CPNE4: variants seen among roughly 807,000 people sequenced by gnomAD.
CPNE4 encodes copine-4.
In CPNE4, 25 loss-of-function variants were observed where a neutral mutation model predicts 67.9. The observed-to-expected ratio is 0.37, with a 90% CI of 0.27 to 0.51. The LOEUF (loss-of-function observed/expected upper bound fraction) is 0.51, where lower values mean the gene tolerates loss of function less well. CPNE4 is among the 20% of genes least tolerant of loss of function. The pLI, the probability that CPNE4 is intolerant of heterozygous loss-of-function variation, is 0.93. For synonymous variants in CPNE4, 242 were observed against 244.9 expected (o/e 0.99, Z 0.11); for missense variants, 464 against 690.8 (o/e 0.67, Z 3.68).
At chr3:132,003,468 C>A (rs953365628) in intron 1 of CPNE4, among the ~76,000 whole-genome samples, 1 of 152,008 alleles carries the variant, frequency 6.6e-6, no homozygotes. Flanking sequence ...GTCTAGTAGA[C>A]CTCTGATGTC....
In CPNE4 at chr3:131,901,116, T is replaced by C. The variant is rs139203432; in HGVS notation, c.180+4148A>G. 1.9e-3 allele frequency among the ~76,000 whole-genome samples: 293 copies of C among 152,218 alleles called. 1 individual carries two copies. The highest frequency in any genetic ancestry group is 6.7e-3 in the African/African-American group (277 of 41,546). ...TCACGAGCTTGATTCTACCCAGGCATGCCCAGGAATAGAGCATATGCTCCA... is the reference window on the plus strand; with the variant it reads ...TCACGAGCTTGATTCTACCCAGGCACGCCCAGGAATAGAGCATATGCTCCA... On this transcript the variant is annotated intron_variant, in intron 2 of 15. Transcript: ENST00000429747.
chr3:131,903,969 C>A (rs1422684682), intron 2 of CPNE4, among the ~76,000 whole-genome samples: 1 of 152,086 alleles, frequency 6.6e-6, no homozygotes, highest in African/African-American at 2.4e-5. Context: ...TAGAGTCTAG[C>A]AGGCACAAAA....
At chr3:131,894,111 T>C (rs1487417574) in intron 2 of CPNE4, among the ~76,000 whole-genome samples, 3 of 151,840 alleles carry the variant, frequency 2.0e-5, no homozygotes, top group African/African-American at 4.8e-5. Context: ...TTTGATAACA[T>C]AGAAGAAATA....
intron 7 of CPNE4, among the ~76,000 whole-genome samples, chr3:131,619,246 A>G: frequency 6.6e-6 from 1 of 152,186 alleles, no homozygotes; most frequent in East Asian, 1.9e-4. Flanking sequence ...TTTCTTGTGA[A>G]TGAGAGGAAG....
intron 2 of CPNE4, among the ~76,000 whole-genome samples, chr3:131,789,035 C>CACAG (rs1553771459): frequency 0.026 from 3,593 of 137,242 alleles, 195 homozygotes; most frequent in East Asian, 0.17. Flanking sequence ...CACACACACA[C>CACAG]AGAGAGAGAG....
At chr3:132,023,530 C>G (rs973934977) in intron 1 of CPNE4, among the ~76,000 whole-genome samples, 1 of 127,122 alleles carries the variant, frequency 7.9e-6, no homozygotes, top group African/African-American at 3.1e-5. Context: ...CTCTGTCGCC[C>G]AGGCTGGAGT....
At chr3:132,013,196 C>G (rs751723279) in intron 1 of CPNE4, among the ~76,000 whole-genome samples, 2 of 152,120 alleles carry the variant, frequency 1.3e-5, no homozygotes, top group Non-Finnish European at 2.9e-5. Flanking sequence ...GCACTCCAGC[C>G]TGGGTGACAG....
At chr3:131,779,385 A>G (rs2107850125) in intron 2 of CPNE4, among the ~76,000 whole-genome samples, 1 of 152,270 alleles carries the variant, frequency 6.6e-6, no homozygotes, top group Middle Eastern at 3.4e-3. Flanking sequence ...ATCAATCCTA[A>G]GCAAAAAGAA....
At position 131,929,258 on chromosome 3, in the gene CPNE4, T is replaced by A. The variant is rs556557173; in HGVS notation, c.-1-23814A>T. Among the ~76,000 whole-genome samples the A allele has an allele frequency of 1.3e-3, 187 of 149,088 alleles. 2 individuals are homozygous for A. The highest frequency in any genetic ancestry group is 2.3e-3 in the Non-Finnish European group (152 of 67,266). On this transcript the variant is annotated intron_variant, in intron 1 of 15. Coordinates refer to ENST00000429747, the MANE Select transcript of CPNE4 (RefSeq NM_130808.3). ...GTGTTAGAAAACACCAATCATTTGG[T>A]GGCAGCACTTACTTGCTGCTCATTC... is the stretch of plus-strand genomic sequence containing the variant.
chr3:131,757,343 G>A (rs1038905013), intron 2 of CPNE4, among the ~76,000 whole-genome samples: 3 of 152,198 alleles, frequency 2.0e-5, no homozygotes, highest in African/African-American at 7.2e-5. Context: ...GAACTTGTTG[G>A]GAACTGGAAC....
intron 1 of CPNE4, among the ~76,000 whole-genome samples, chr3:131,945,178 C>T (rs2071515185): frequency 7.2e-6 from 1 of 138,132 alleles, no homozygotes; most frequent in African/African-American, 2.8e-5. Context: ...AATATTAAGT[C>T]CACATACTAT....
intron 2 of CPNE4, among the ~76,000 whole-genome samples, chr3:131,734,711 C>T (rs1319853754): frequency 2.6e-5 from 4 of 152,078 alleles, no homozygotes; most frequent in Non-Finnish European, 2.9e-5. Context: ...ATAGCGAGAC[C>T]TTGTCTCTAC....
chr3:132,008,594 C>T (rs12695568), intron 1 of CPNE4, among the ~76,000 whole-genome samples: 29,003 of 151,984 alleles, frequency 0.19, 2,817 homozygotes, highest in Non-Finnish European at 0.2. Flanking sequence ...TATATGTGCA[C>T]ATTTGTGCAC....
chr3:131,886,995 A>G (rs2107732758), intron 2 of CPNE4, among the ~76,000 whole-genome samples: 1 of 152,294 alleles, frequency 6.6e-6, no homozygotes, highest in East Asian at 1.9e-4. Context: ...ACTGTCGGGA[A>G]GGCAGGATTG....
At chr3:131,652,125 G>A (rs938556792) in intron 7 of CPNE4, among the ~76,000 whole-genome samples, 3 of 152,134 alleles carry the variant, frequency 2.0e-5, no homozygotes, top group African/African-American at 7.2e-5. Flanking sequence ...AATTAGGTGC[G>A]GCTGCTAAGT....
chr3:131,926,771 C>T (rs779348971), intron 1 of CPNE4, among the ~76,000 whole-genome samples: 1 of 152,136 alleles, frequency 6.6e-6, no homozygotes, highest in Non-Finnish European at 1.5e-5. Flanking sequence ...TTCCATTTCT[C>T]TTCTGTCTCC....
At chr3:132,017,045 G>T (rs545765295) in intron 1 of CPNE4, among the ~76,000 whole-genome samples, 1 of 151,646 alleles carries the variant, frequency 6.6e-6, no homozygotes, top group East Asian at 1.9e-4. Flanking sequence ...AAAGAAGAAA[G>T]AAGGAGCTGG....
At chr3:131,816,368 C>A (rs1226973609) in intron 2 of CPNE4, among the ~76,000 whole-genome samples, 2 of 152,088 alleles carry the variant, frequency 1.3e-5, no homozygotes, top group Non-Finnish European at 2.9e-5. Flanking sequence ...ACTGTGTTTT[C>A]TCCCATCAGA....
At chr3:132,025,735 T>C (rs533077662) in intron 1 of CPNE4, among the ~76,000 whole-genome samples, 1 of 152,296 alleles carries the variant, frequency 6.6e-6, no homozygotes, top group South Asian at 2.1e-4. Flanking sequence ...ATAGACACAA[T>C]CATTATTCTC....
Sources: allele counts gnomAD v4.1 joint callset (sites outside exome capture counted in the v4.1 genomes callset), GRCh38; gene constraint gnomAD v4.1.1; transcripts MANE v1.5; gene names NCBI Gene and HGNC (gene_info 2026-07-23, HGNC 2026-07-21).